The following MYO1E variants were observed in gnomAD, a reference collection of about 807,000 sequenced individuals.
MYO1E encodes unconventional myosin-Ie.
MYO1E carries 68 observed loss-of-function variants against 151.1 expected under a neutral mutation model. That is an observed-to-expected ratio of 0.45 (90% CI 0.37 to 0.55). The LOEUF (loss-of-function observed/expected upper bound fraction) is 0.55, where lower values mean the gene tolerates loss of function less well. MYO1E is among the 20% of genes least tolerant of loss of function. MYO1E has a pLI of 0.00. For missense variants in MYO1E, 1,363 were observed against 1,389.3 expected (o/e 0.98, Z 0.30); for synonymous variants, 601 against 501.7 (o/e 1.20, Z -2.64).
At chr15:59,200,934 C>A (rs898609379) in intron 16 of MYO1E, among the ~76,000 whole-genome samples, 2 of 152,050 alleles carry the variant, frequency 1.3e-5, no homozygotes, top group Non-Finnish European at 2.9e-5. Flanking sequence ...CGAACACAGG[C>A]GAGCAAACTC....
chr15:59,348,630 A>G (rs1014265017), intron 1 of MYO1E: 5 of 149,958 alleles, frequency 3.3e-5, no homozygotes, highest in Non-Finnish European at 7.4e-5. Context: ...TTGGAGTTCA[A>G]TATCATTTTT....
At chr15:59,224,258 G>T (rs1433493589) in intron 8 of MYO1E, among the ~76,000 whole-genome samples, 1 of 146,858 alleles carries the variant, frequency 6.8e-6, no homozygotes, top group Non-Finnish European at 1.5e-5. Context: ...CAGAGGGGAA[G>T]AGAGTCTTCA....
At chr15:59,347,986 G>A (rs1460599731) in intron 1 of MYO1E, among the ~76,000 whole-genome samples, 1 of 152,216 alleles carries the variant, frequency 6.6e-6, no homozygotes, top group African/African-American at 2.4e-5. Context: ...CTGTAAAGCA[G>A]CGGCTCTCCT....
At chr15:59,144,846 TTTTTG>T (rs143326305) in intron 26 of MYO1E, among the ~76,000 whole-genome samples, 5,576 of 152,060 alleles carry the variant, frequency 0.037, 221 homozygotes, top group African/African-American at 0.094. Context: ...AAAGAATGAC[TTTTTG>T]TTTTGTTTTG....
intron 26 of MYO1E, among the ~76,000 whole-genome samples, chr15:59,147,899 G>T (rs148299529): frequency 6.6e-6 from 1 of 152,104 alleles, no homozygotes; most frequent in South Asian, 2.1e-4. Context: ...CTGAAGCGTA[G>T]ACCTTCATGG....
intron 4 of MYO1E, among the ~76,000 whole-genome samples, chr15:59,251,226 T>G (rs1172067781): frequency 2.0e-5 from 3 of 152,194 alleles, no homozygotes; most frequent in Non-Finnish European, 4.4e-5. Flanking sequence ...AAAATTTAAC[T>G]TGCACCTGCA....
intron 1 of MYO1E, among the ~76,000 whole-genome samples, chr15:59,325,249 T>G (rs935488555): frequency 1.3e-5 from 2 of 152,206 alleles, no homozygotes; most frequent in Admixed American, 6.5e-5. Flanking sequence ...TTGGCCAGGA[T>G]GGTCTCCATC....
At chr15:59,202,512 C>T (rs1243075850) in intron 15 of MYO1E, 105 bp from the exon 16 acceptor site, 1 of 1,042,992 alleles carries the variant, frequency 9.6e-7, no homozygotes, top group African/African-American at 1.6e-5. Flanking sequence ...AGGCACATAA[C>T]CTTGGCTACA....
At chr15:59,231,613 C>A (rs1031777309) in intron 6 of MYO1E, 89 bp downstream of exon 6, 44 of 1,340,306 alleles carry the variant, frequency 3.3e-5, no homozygotes, top group Non-Finnish European at 4.4e-5. Flanking sequence ...ATGTGAAAGG[C>A]TCCCATTTCC....
At chr15:59,232,209 C>A (rs546202933) in intron 5 of MYO1E, among the ~76,000 whole-genome samples, 1 of 152,354 alleles carries the variant, frequency 6.6e-6, no homozygotes, top group East Asian at 1.9e-4. Flanking sequence ...TCTCCACCTG[C>A]TTCACTGCAA....
intron 1 of MYO1E, among the ~76,000 whole-genome samples, chr15:59,283,912 T>G (rs183654943): frequency 3.6e-4 from 55 of 152,364 alleles, no homozygotes; most frequent in African/African-American, 1.3e-3. Context: ...TCAACTTCTT[T>G]CATCTGCCCA....
At chr15:59,207,347 C>G in intron 14 of MYO1E, 1 of 1,614,050 alleles carries the variant, frequency 6.2e-7, no homozygotes, top group Non-Finnish European at 8.5e-7. Context: ...TTTGTCACAG[C>G]AAACTCCAAC....
intron 13 of MYO1E, 88 bp downstream of exon 13, chr15:59,210,426 G>T: frequency 1.1e-6 from 1 of 943,422 alleles, no homozygotes; most frequent in Non-Finnish European, 1.7e-6. Flanking sequence ...TTGTCACTTT[G>T]CCTGTTCTAA....
chr15:59,252,881 G>C (rs1353295988), intron 4 of MYO1E, among the ~76,000 whole-genome samples: 1 of 152,142 alleles, frequency 6.6e-6, no homozygotes, highest in Non-Finnish European at 1.5e-5. Context: ...ATGAGACTTG[G>C]TCTCAAAAGA....
intron 12 of MYO1E, among the ~76,000 whole-genome samples, chr15:59,211,683 C>T (rs1394144612): frequency 4.6e-5 from 7 of 152,172 alleles, no homozygotes; most frequent in African/African-American, 1.7e-4. Context: ...TAATCTTACC[C>T]TCCAGTAAAC....
intron 3 of MYO1E, among the ~76,000 whole-genome samples, 176 bp downstream of exon 3, chr15:59,261,241 TAAA>T (rs1418523132): frequency 6.6e-6 from 1 of 150,662 alleles, no homozygotes; most frequent in Non-Finnish European, 1.5e-5. Flanking sequence ...AATAAAATAA[TAAA>T]AATTAAAAAA....
At chr15:59,269,402 C>G (rs533262900) in intron 2 of MYO1E, among the ~76,000 whole-genome samples, 4 of 152,292 alleles carry the variant, frequency 2.6e-5, no homozygotes, top group Admixed American at 6.5e-5. Context: ...CCAGCTCCTT[C>G]TAATCAATTA....
At chr15:59,305,381 G>C (rs1261271876) in intron 1 of MYO1E, among the ~76,000 whole-genome samples, 1 of 152,016 alleles carries the variant, frequency 6.6e-6, no homozygotes, top group East Asian at 1.9e-4. Flanking sequence ...TTTTAGTAGA[G>C]ATGGAGTTTT....
chr15:59,272,152 C>G, intron 2 of MYO1E, 154 bp downstream of exon 2: 1 of 773,488 alleles, frequency 1.3e-6, no homozygotes, highest in Non-Finnish European at 2.2e-6. Flanking sequence ...GATGGGGTCT[C>G]CCTGTGTTGC....
Sources: gnomAD v4.1 joint callset for allele counts (sites outside exome capture counted in the v4.1 genomes callset) on GRCh38, gnomAD v4.1.1 for gene constraint, MANE v1.5 for transcripts, NCBI Gene and HGNC (gene_info 2026-07-23, HGNC 2026-07-21) for gene names.